Variants in DENND1A observed in about 807,000 individuals in gnomAD.
DENND1A encodes the protein DENN domain containing 1A.
DENND1A carries 51 observed loss-of-function variants against 113.7 expected under a neutral mutation model. That is an observed-to-expected ratio of 0.45 (90% CI 0.36 to 0.57). The LOEUF is 0.57. DENND1A is among the 20% of genes least tolerant of loss of function. DENND1A has a pLI of 0.00. For missense variants in DENND1A, 1,258 were observed against 1,395.9 expected, an observed-to-expected ratio of 0.90 and a Z score of 1.57; for synonymous variants, 565 against 570.8, an observed-to-expected ratio of 0.99 and a Z score of 0.14.
At chr9:123,748,083 A>G (rs1196084080) in intron 5 of DENND1A, among the ~76,000 whole-genome samples, 3 of 152,242 alleles carry the variant, frequency 2.0e-5, no homozygotes, top group Admixed American at 6.5e-5. Context: ...ATATTCTTTC[A>G]CATTACTAAG....
intron 10 of DENND1A, among the ~76,000 whole-genome samples, chr9:123,613,353 ACTT>A (rs1360186707): frequency 6.6e-6 from 1 of 152,166 alleles, no homozygotes; most frequent in Non-Finnish European, 1.5e-5. Context: ...AAAAAAAAAA[ACTT>A]CTTCATATTC....
chr9:123,690,610 T>A (rs2065130082), intron 5 of DENND1A, among the ~76,000 whole-genome samples: 1 of 152,228 alleles, frequency 6.6e-6, no homozygotes, highest in Admixed American at 6.5e-5. Context: ...TTTCCTATAT[T>A]CTCCAAACTT....
chr9:123,860,353 T>C (rs1275128805), intron 2 of DENND1A, among the ~76,000 whole-genome samples: 2 of 152,224 alleles, frequency 1.3e-5, no homozygotes, highest in Non-Finnish European at 2.9e-5. Context: ...CCTACTCTAG[T>C]CATTCGTTCA....
At position 123,562,551 on chromosome 9, in the gene DENND1A, A is replaced by G. The variant is rs187073797; in HGVS notation, c.868-4856T>C. Among the ~76,000 whole-genome samples the G allele has an allele frequency of 1.3e-3, 203 of 152,336 alleles. 3 individuals are homozygous for G. In the Middle Eastern group the frequency reaches 0.014, roughly 10 times the overall value. ...CATGTACAGCATGAACCATTTAAAA[A>G]TTATATATAAATATATATGCAGTAA... On this transcript the variant is annotated intron_variant, in intron 12 of 23. Transcript: ENST00000394215.
intron 4 of DENND1A, among the ~76,000 whole-genome samples, chr9:123,761,532 A>T (rs2071037902): frequency 6.6e-6 from 1 of 152,210 alleles, no homozygotes; most frequent in African/African-American, 2.4e-5. Context: ...TTTTTCAGGA[A>T]AGGCTAGTCC....
At chr9:123,829,392 T>A (rs1392985756) in intron 2 of DENND1A, among the ~76,000 whole-genome samples, 1 of 151,236 alleles carries the variant, frequency 6.6e-6, no homozygotes, top group Non-Finnish European at 1.5e-5. Flanking sequence ...ACAAAAAAAA[T>A]TCAGACTTAA....
At chr9:123,579,896 G>A (rs2058806752) in intron 12 of DENND1A, among the ~76,000 whole-genome samples, 1 of 152,118 alleles carries the variant, frequency 6.6e-6, no homozygotes, top group Non-Finnish European at 1.5e-5. Flanking sequence ...AATCCTTAAT[G>A]AGTATAGAGG....
chr9:123,420,793 C>CGAGGCAGCTGTGAGGG, intron 19 of DENND1A, among the ~76,000 whole-genome samples: 1 of 143,130 alleles, frequency 7.0e-6, no homozygotes, highest in Middle Eastern at 3.7e-3. Context: ...ACAAAAGCAG[C>CGAGGCAGCTGTGAGGG]GAGGCAGCTG....
intron 3 of DENND1A, among the ~76,000 whole-genome samples, chr9:123,785,659 C>G (rs1008154036): frequency 1.3e-5 from 2 of 152,282 alleles, no homozygotes; most frequent in Middle Eastern, 3.4e-3. Context: ...TGCAGTCCTT[C>G]AGAACAGCTA....
At chr9:123,674,274 C>T (rs1352659953) in intron 6 of DENND1A, among the ~76,000 whole-genome samples, 2 of 151,768 alleles carry the variant, frequency 1.3e-5, no homozygotes, top group Admixed American at 1.3e-4. Context: ...CCCAGTTACT[C>T]ACACCTTGGT....
chr9:123,463,624 T>C (rs999106039), intron 13 of DENND1A, among the ~76,000 whole-genome samples: 3 of 152,234 alleles, frequency 2.0e-5, no homozygotes, highest in African/African-American at 7.2e-5. Context: ...AAAGAGTTAA[T>C]GTCGGCCAGG....
chr9:123,460,666 C>A lies in DENND1A; in HGVS notation c.994-2769G>T, dbSNP rs141288035. On this transcript the variant is annotated intron_variant, in intron 13 of 23. Coordinates refer to ENST00000394215, the MANE Select transcript of DENND1A (RefSeq NM_001352964.2). ...AATTGTCTCACGCTCACCCCCGGCTCTCCATCTACGCCTACCTTGGCGTAG... is the reference window on the plus strand; with the variant it reads ...AATTGTCTCACGCTCACCCCCGGCTATCCATCTACGCCTACCTTGGCGTAG... Among the ~76,000 whole-genome samples the A allele has an allele frequency of 5.2e-3, 797 of 152,372 alleles. 13 individuals carry two copies. Among genetic ancestry groups the A allele is most frequent in the African/African-American group, 0.019 (771 of 41,592 alleles).
At chr9:123,848,239 A>AC (rs1444853806) in intron 2 of DENND1A, among the ~76,000 whole-genome samples, 1 of 132,578 alleles carries the variant, frequency 7.5e-6, no homozygotes, top group African/African-American at 2.6e-5. Context: ...AAAAAAAAAA[A>AC]AAAAAAAAAA....
chr9:123,695,982 C>CAAAA (rs59667113), intron 5 of DENND1A, among the ~76,000 whole-genome samples: 4,790 of 106,394 alleles, frequency 0.045, 252 homozygotes, highest in African/African-American at 0.14. Context: ...TCTGTTAATA[C>CAAAA]AAAAAAAAAA....
intron 13 of DENND1A, among the ~76,000 whole-genome samples, chr9:123,504,427 T>C (rs2052744692): frequency 6.6e-6 from 1 of 152,256 alleles, no homozygotes; most frequent in Non-Finnish European, 1.5e-5. Flanking sequence ...TGCATGCTTA[T>C]AACATTGACC....
chr9:123,524,601 T>A (rs55799742), intron 13 of DENND1A, among the ~76,000 whole-genome samples: 5 of 152,164 alleles, frequency 3.3e-5, no homozygotes, highest in African/African-American at 4.8e-5. Context: ...CTGAATTTGC[T>A]GAATCTGGCC....
intron 1 of DENND1A, among the ~76,000 whole-genome samples, chr9:123,908,447 A>C (rs1243160186): frequency 2.1e-5 from 3 of 145,052 alleles, no homozygotes; most frequent in Non-Finnish European, 4.6e-5. Flanking sequence ...CAACCTACTC[A>C]TCTGACAAAG....
chr9:123,724,541 A>G (rs372218737), intron 5 of DENND1A, among the ~76,000 whole-genome samples: 264 of 151,504 alleles, frequency 1.7e-3, no homozygotes, highest in African/African-American at 6.1e-3. Flanking sequence ...AAAGTCATTG[A>G]GCAGACTTCT....
intron 13 of DENND1A, among the ~76,000 whole-genome samples, chr9:123,493,793 C>A (rs928134937): frequency 6.6e-6 from 1 of 152,142 alleles, no homozygotes; most frequent in African/African-American, 2.4e-5. Flanking sequence ...GCTGCCAGGG[C>A]GGAGGGGAAG....
Sources: gnomAD v4.1 joint callset for allele counts (sites outside exome capture counted in the v4.1 genomes callset) on GRCh38, gnomAD v4.1.1 for gene constraint, MANE v1.5 for transcripts, NCBI Gene and HGNC (gene_info 2026-07-23, HGNC 2026-07-21) for gene names.